The following TEX14 variants were observed in gnomAD, a reference collection of about 807,000 sequenced individuals.
TEX14 encodes inactive serine/threonine-protein kinase TEX14.
Under a neutral mutation model 178.6 loss-of-function variants are expected in TEX14, and 168 were observed. The observed-to-expected ratio is 0.94, with a 90% CI of 0.83 to 1.07. TEX14 has a LOEUF of 1.07. TEX14 is among the 50% of genes least tolerant of loss of function. TEX14 has a pLI of 0.00. For missense variants in TEX14, 1,730 were observed against 1,753.6 expected, an observed-to-expected ratio of 0.99 and a Z score of 0.24; for synonymous variants, 626 against 634.1, an observed-to-expected ratio of 0.99 and a Z score of 0.19.
intron 6 of TEX14, 93 bp downstream of exon 6, chr17:58,617,445 T>C: frequency 1.1e-6 from 1 of 872,398 alleles, no homozygotes; most frequent in East Asian, 2.4e-5. Context: ...TTGGTGAGGA[T>C]AAGGAGGCAG....
At chr17:58,666,508 A>G (rs1267494806) in intron 1 of TEX14, 1 of 151,288 alleles carries the variant, frequency 6.6e-6, no homozygotes, top group African/African-American at 2.4e-5. Flanking sequence ...ATACACAACT[A>G]ACAAAACTTG....
chr17:58,580,918 T>G (rs1598354964), intron 19 of TEX14, among the ~76,000 whole-genome samples: 1 of 151,992 alleles, frequency 6.6e-6, no homozygotes, highest in Admixed American at 6.6e-5. Flanking sequence ...CAGGCTGGAG[T>G]TAATTAATTC....
intron 2 of TEX14, among the ~76,000 whole-genome samples, chr17:58,633,169 TCTC>T (rs1176558611): frequency 6.6e-6 from 1 of 152,130 alleles, no homozygotes; most frequent in Non-Finnish European, 1.5e-5. Context: ...TGACAGGGAT[TCTC>T]CTCTCAACCT....
At chr17:58,606,733 TA>T (rs927227962) in intron 10 of TEX14, among the ~76,000 whole-genome samples, 119 of 140,360 alleles carry the variant, frequency 8.5e-4, no homozygotes, top group African/African-American at 7.1e-4. Flanking sequence ...GACTCCATCT[TA>T]AAAAAAAAAA....
intron 19 of TEX14, chr17:58,581,582 G>A (rs770038314): frequency 1.2e-6 from 2 of 1,608,578 alleles, no homozygotes; most frequent in Non-Finnish European, 1.7e-6. Context: ...AAGGTGAAAA[G>A]GTACTTTACC....
chr17:58,655,610 G>A (rs916892745), intron 1 of TEX14, among the ~76,000 whole-genome samples: 2 of 152,070 alleles, frequency 1.3e-5, no homozygotes, highest in East Asian at 1.9e-4. Context: ...GTGAGCCACC[G>A]CACCTGGCCA....
At chr17:58,590,259 CAAAA>C (rs35100175) in intron 15 of TEX14, among the ~76,000 whole-genome samples, 3 of 93,818 alleles carry the variant, frequency 3.2e-5, no homozygotes, top group Non-Finnish European at 2.1e-5. Context: ...GACTCTGTGT[CAAAA>C]AAAAAAAAAA....
chr17:58,663,253 T>G (rs186839485), intron 1 of TEX14, among the ~76,000 whole-genome samples: 42 of 151,800 alleles, frequency 2.8e-4, no homozygotes, highest in African/African-American at 9.7e-4. Flanking sequence ...AGAAACCCTG[T>G]CTCTACTAAA....
intron 19 of TEX14, among the ~76,000 whole-genome samples, chr17:58,584,124 T>C (rs904686755): frequency 2.6e-5 from 4 of 152,142 alleles, no homozygotes; most frequent in African/African-American, 9.7e-5. Flanking sequence ...ATATTCCAGG[T>C]GAAGATACTC....
chr17:58,579,754 C>A (rs766879197), intron 19 of TEX14, 23 bp from the exon 20 acceptor site: 2 of 1,598,708 alleles, frequency 1.3e-6, no homozygotes, highest in Non-Finnish European at 1.7e-6. Flanking sequence ...AAAAGAAAAG[C>A]AAAGAAAGGA....
At chr17:58,651,213 G>C (rs1324163428) in intron 2 of TEX14, among the ~76,000 whole-genome samples, 1 of 152,212 alleles carries the variant, frequency 6.6e-6, no homozygotes, top group Non-Finnish European at 1.5e-5. Flanking sequence ...TGGAGGTTGA[G>C]GCTGCAGTGA....
chr17:58,579,965 G>A (rs940822015), intron 19 of TEX14, among the ~76,000 whole-genome samples: 4 of 152,068 alleles, frequency 2.6e-5, no homozygotes, highest in Non-Finnish European at 5.9e-5. Flanking sequence ...ATGTGACTCC[G>A]CCTCCTTATA....
In TEX14 at chr17:58,622,967, C is replaced by A; in HGVS notation, c.297G>T (p.Ser99=). 1.2e-6 allele frequency: 2 copies of A among 1,610,708 alleles called. No homozygotes were observed. Among genetic ancestry groups the A allele is most frequent in the Non-Finnish European group, 1.7e-6 (2 of 1,177,118 alleles). Residue 99 remains serine (S), a synonymous_variant, in exon 4 of 32, where the codon TCG becomes TCT. Coordinates refer to ENST00000349033, the MANE Select transcript of TEX14 (RefSeq NM_031272.5). ...GSTPVHAAAF[S]GNQWILSKLL... ...GTTTGCTAAGGATCCACTGATTGCC[C>A]GAAAATGCTGCTGCATGGACAGGGG...
chr17:58,590,320 G>A (rs969108755), intron 15 of TEX14, among the ~76,000 whole-genome samples: 2 of 150,368 alleles, frequency 1.3e-5, no homozygotes, highest in African/African-American at 2.4e-5. Context: ...AAGCCTGGGC[G>A]ACAGAGCGAG....
intron 28 of TEX14, among the ~76,000 whole-genome samples, chr17:58,563,265 G>A (rs1024054889): frequency 6.6e-5 from 10 of 151,846 alleles, no homozygotes; most frequent in African/African-American, 2.2e-4. Context: ...CTACAACACA[G>A]GCAAAAAGAG....
At chr17:58,608,991 T>C (rs2045681303) in intron 10 of TEX14, among the ~76,000 whole-genome samples, 1 of 152,218 alleles carries the variant, frequency 6.6e-6, no homozygotes, top group Admixed American at 6.5e-5. Context: ...CTGAAAGCTT[T>C]TAACTCAGAT....
At chr17:58,627,667 G>A (rs1232653623) in intron 3 of TEX14, among the ~76,000 whole-genome samples, 1 of 151,524 alleles carries the variant, frequency 6.6e-6, no homozygotes, top group Non-Finnish European at 1.5e-5. Flanking sequence ...CTACTCGGGA[G>A]GATGAGGCAG....
intron 11 of TEX14, among the ~76,000 whole-genome samples, chr17:58,603,887 C>CTCTGTGTG (rs1491278767): frequency 1.9e-5 from 2 of 105,286 alleles, no homozygotes; most frequent in South Asian, 3.9e-4. Context: ...TGTGATTTTA[C>CTCTGTGTG]TGTGTGTGTG....
At chr17:58,578,068 AAAG>A (rs2044722361) in intron 20 of TEX14, among the ~76,000 whole-genome samples, 1 of 152,114 alleles carries the variant, frequency 6.6e-6, no homozygotes, top group Non-Finnish European at 1.5e-5. Context: ...CCTAGTTAAT[AAAG>A]AAGGGGGCAG....
Sources: allele counts gnomAD v4.1 joint callset (sites outside exome capture counted in the v4.1 genomes callset), GRCh38; gene constraint gnomAD v4.1.1; transcripts MANE v1.5; gene names NCBI Gene and HGNC (gene_info 2026-07-23, HGNC 2026-07-21).